The following TSNARE1 variants were observed in gnomAD, a reference collection of about 807,000 sequenced individuals.
TSNARE1 encodes the protein t-SNARE domain-containing protein 1.
Under a neutral mutation model 62.0 loss-of-function variants are expected in TSNARE1, and 49 were observed. The ratio of observed to expected loss-of-function variants is 0.79; its 90% CI spans 0.63 to 1.00. The LOEUF (loss-of-function observed/expected upper bound fraction) is 1.00. TSNARE1 is among the 50% of genes least tolerant of loss of function. The pLI is 0.00. For missense variants in TSNARE1, 755 were observed against 700.1 expected (o/e 1.08, Z -0.88); for synonymous variants, 328 against 294.4 (o/e 1.11, Z -1.17).
At chr8:142,244,670 G>A (rs1363455887) in intron 12 of TSNARE1, among the ~76,000 whole-genome samples, 5 of 152,208 alleles carry the variant, frequency 3.3e-5, no homozygotes, top group African/African-American at 4.8e-5. Context: ...CTCCTAGAAC[G>A]AATCCGGGAG....
At chr8:142,278,236 C>A (rs982106542) in intron 11 of TSNARE1, 1 of 985,362 alleles carries the variant, frequency 1.0e-6, no homozygotes, top group Non-Finnish European at 1.2e-6. Flanking sequence ...CATGCGTCTC[C>A]CAACCAGTCC....
At chr8:142,269,217 G>T (rs1462144917) in intron 12 of TSNARE1, among the ~76,000 whole-genome samples, 1 of 152,198 alleles carries the variant, frequency 6.6e-6, no homozygotes, top group Admixed American at 6.5e-5. Context: ...TGTGTGATCA[G>T]AATCAGGGCC....
At chr8:142,387,748 A>G (rs768742593) in intron 1 of TSNARE1, among the ~76,000 whole-genome samples, 1 of 152,168 alleles carries the variant, frequency 6.6e-6, no homozygotes, top group African/African-American at 2.4e-5. Flanking sequence ...CAAAATCATA[A>G]AAGAACTTTC....
chr8:142,220,938 C>T (rs1419666579), intron 13 of TSNARE1, among the ~76,000 whole-genome samples: 1 of 152,248 alleles, frequency 6.6e-6, no homozygotes, highest in East Asian at 1.9e-4. Context: ...AAAGTACTCA[C>T]TCCCTGCTGG....
In TSNARE1 at chr8:142,344,041, C is replaced by T. The variant is rs142209944; in HGVS notation, c.670G>A (p.Val224Met). 2.4e-4 allele frequency: 388 copies of T among 1,585,122 alleles called. 1 individual carries two copies. The African/African-American group carries it at 3.5e-3, about 14-fold the overall frequency. The change falls in exon 4 of 14, where the codon GTG becomes ATG. Residue 224 changes from valine to methionine, a missense_variant. Transcript: ENST00000524325. ...GKPQALALTPVEQVVAKTFSC... is the reference protein window; with the variant it reads ...GKPQALALTPMEQVVAKTFSC... Reference sequence around the variant, plus strand: ...AAGGTCTTGGCCACCACCTGCTCCACGGGCGTGAGAGCCAGGGCCTGGGGC... The same window carrying T: ...AAGGTCTTGGCCACCACCTGCTCCATGGGCGTGAGAGCCAGGGCCTGGGGC...
chr8:142,348,335 A>C (rs954759966), intron 2 of TSNARE1, among the ~76,000 whole-genome samples: 1 of 152,152 alleles, frequency 6.6e-6, no homozygotes, highest in Non-Finnish European at 1.5e-5. Context: ...GTCTCCCTAA[A>C]GCCAGATGCT....
chr8:142,359,103 C>T (rs536140955), intron 1 of TSNARE1, among the ~76,000 whole-genome samples: 8 of 152,210 alleles, frequency 5.3e-5, no homozygotes, highest in African/African-American at 9.6e-5. Context: ...GGCTGTTACT[C>T]GGCTTCCCCC....
chr8:142,269,393 A>G (rs1312187322), intron 12 of TSNARE1: 3 of 978,754 alleles, frequency 3.1e-6, no homozygotes, highest in Non-Finnish European at 3.6e-6. Flanking sequence ...CTCAGCTAGC[A>G]CCAGAGTAGA....
intron 1 of TSNARE1, among the ~76,000 whole-genome samples, chr8:142,356,116 C>T (rs571848874): frequency 1.4e-4 from 22 of 152,360 alleles, no homozygotes; most frequent in African/African-American, 5.0e-4. Flanking sequence ...TTTTCCAAAA[C>T]AAAACCCCTC....
At chr8:142,396,440 T>A (rs1328540441) in intron 1 of TSNARE1, among the ~76,000 whole-genome samples, 1 of 152,090 alleles carries the variant, frequency 6.6e-6, no homozygotes, top group Non-Finnish European at 1.5e-5. Flanking sequence ...CATACCTGGA[T>A]TCCTTCAAGC....
intron 10 of TSNARE1, among the ~76,000 whole-genome samples, chr8:142,296,338 G>A (rs1433788183): frequency 9.3e-6 from 1 of 107,180 alleles, no homozygotes; most frequent in South Asian, 4.2e-4. Context: ...TGACTGTCAT[G>A]GGGGAGGCGG....
At chr8:142,331,387 C>T (rs1831005984) in intron 5 of TSNARE1, among the ~76,000 whole-genome samples, 1 of 152,250 alleles carries the variant, frequency 6.6e-6, no homozygotes, top group Admixed American at 6.5e-5. Flanking sequence ...GATGCTCCTT[C>T]CTCCACTGGG....
At chr8:142,269,630 A>C in intron 12 of TSNARE1, 1 of 985,338 alleles carries the variant, frequency 1.0e-6, no homozygotes, top group Non-Finnish European at 1.2e-6. Flanking sequence ...TGCCCAGGCC[A>C]TGGTGGGTAT....
chr8:142,282,227 C>T (rs547797776), intron 11 of TSNARE1, among the ~76,000 whole-genome samples: 29 of 152,158 alleles, frequency 1.9e-4, no homozygotes, highest in African/African-American at 6.5e-4. Flanking sequence ...CCCCCCAGCA[C>T]GGGTACATCC....
At chr8:142,257,262 C>T (rs1403107945) in intron 12 of TSNARE1, among the ~76,000 whole-genome samples, 1 of 152,164 alleles carries the variant, frequency 6.6e-6, no homozygotes, top group Admixed American at 6.5e-5. Context: ...CCAGGCCCTC[C>T]TAGCTGAGCA....
intron 10 of TSNARE1, among the ~76,000 whole-genome samples, chr8:142,297,126 G>A (rs552892549): frequency 6.6e-5 from 10 of 152,370 alleles, no homozygotes; most frequent in South Asian, 2.1e-4. Flanking sequence ...ACCAGTGAGC[G>A]GACACGGGCC....
At chr8:142,363,978 A>G (rs900360601) in intron 1 of TSNARE1, among the ~76,000 whole-genome samples, 3 of 152,228 alleles carry the variant, frequency 2.0e-5, no homozygotes, top group Admixed American at 6.5e-5. Context: ...CAGGTGAGGA[A>G]GAAGAGTCAC....
chr8:142,351,498 C>T (rs371570555), intron 2 of TSNARE1, among the ~76,000 whole-genome samples: 2 of 152,114 alleles, frequency 1.3e-5, no homozygotes, highest in African/African-American at 4.8e-5. Flanking sequence ...AATATAAAGA[C>T]GTGTGCTTGT....
chr8:142,315,666 G>A (rs1244445490), intron 7 of TSNARE1, among the ~76,000 whole-genome samples: 5 of 152,180 alleles, frequency 3.3e-5, no homozygotes, highest in Non-Finnish European at 5.9e-5. Context: ...GGCTGGACAC[G>A]CAGCCCTGGG....
Sources: gnomAD v4.1 joint callset for allele counts (sites outside exome capture counted in the v4.1 genomes callset) on GRCh38, gnomAD v4.1.1 for gene constraint, MANE v1.5 for transcripts, NCBI Gene and HGNC (gene_info 2026-07-23, HGNC 2026-07-21) for gene names.